Variants in ZNF420 observed in about 807,000 individuals in gnomAD.
ZNF420 encodes ATM and p53-associated KZNF protein.
In ZNF420, 31 loss-of-function variants were observed where a neutral mutation model predicts 44.7. That is an observed-to-expected ratio of 0.69 (90% CI 0.52 to 0.94). ZNF420 has a LOEUF of 0.94. Ranked by LOEUF, ZNF420 falls within the 40% of genes least tolerant of loss-of-function variation. The pLI is 0.00. For missense variants in ZNF420, 681 were observed against 827.9 expected (o/e 0.82, Z 2.18); for synonymous variants, 245 against 267.4 (o/e 0.92, Z 0.82).
intron 1 of ZNF420, among the ~76,000 whole-genome samples, chr19:37,042,077 G>GC (rs1289435555): frequency 5.9e-5 from 9 of 152,140 alleles, no homozygotes; most frequent in Admixed American, 6.6e-5. Flanking sequence ...TTGGCTCACT[G>GC]CAACTTCCGC....
intron 3 of ZNF420, among the ~76,000 whole-genome samples, chr19:37,090,315 C>G (rs1004407695): frequency 2.0e-5 from 3 of 151,834 alleles, no homozygotes; most frequent in African/African-American, 7.3e-5. Context: ...GGCAACATAA[C>G]AAGACCCCTG....
At chr19:37,011,087 T>C (rs2074565758) in intron 1 of ZNF420, among the ~76,000 whole-genome samples, 1 of 152,218 alleles carries the variant, frequency 6.6e-6, no homozygotes, top group Admixed American at 6.5e-5. Flanking sequence ...GGCTCTCGCC[T>C]CTGCTCTATC....
chr19:37,121,767 A>G (rs1470999987), intron 4 of ZNF420, among the ~76,000 whole-genome samples: 4 of 152,220 alleles, frequency 2.6e-5, no homozygotes, highest in Non-Finnish European at 5.9e-5. Context: ...ATGAACTCAA[A>G]TTTACAAGAA....
At position 37,053,191 on chromosome 19, in the gene ZNF420, G is replaced by T. The variant is rs1047981690; in HGVS notation, c.-124-27154G>T. Reference sequence around the variant, plus strand: ...CTTGTGCATTCATCACATAGTTTTCGTGCCTTGGCTTTTGGCTCCATCAGG... The same window carrying T: ...CTTGTGCATTCATCACATAGTTTTCTTGCCTTGGCTTTTGGCTCCATCAGG... On this transcript the variant is annotated intron_variant, in intron 1 of 4. Coordinates refer to the ZNF420 transcript ENST00000587029. 4.6e-5 allele frequency among the ~76,000 whole-genome samples: 7 copies of T among 152,098 alleles called. No individual in the cohort carries two copies. The East Asian group carries it at 1.4e-3, about 29-fold the overall frequency.
intron 1 of ZNF420, among the ~76,000 whole-genome samples, chr19:37,039,501 G>A (rs1967415159): frequency 6.6e-6 from 1 of 152,124 alleles, no homozygotes; most frequent in South Asian, 2.1e-4. Context: ...TTTCTGAGCA[G>A]TAGGTCTCAA....
chr19:37,126,677 G>A (rs1479739254), intron 4 of ZNF420, among the ~76,000 whole-genome samples: 2 of 152,078 alleles, frequency 1.3e-5, no homozygotes, highest in Non-Finnish European at 2.9e-5. Context: ...TCCCCACCAA[G>A]GCTTGAGAAC....
chr19:37,038,016 T>C (rs1967388869), intron 1 of ZNF420, among the ~76,000 whole-genome samples: 1 of 151,326 alleles, frequency 6.6e-6, no homozygotes, highest in African/African-American at 2.4e-5. Context: ...GTGAGCCAGG[T>C]GAGAAAGAAA....
At position 37,128,727 on chromosome 19, in the gene ZNF420, G is replaced by A. The variant is rs370787080; in HGVS notation, c.1736G>A (p.Arg579Gln). The A allele has an allele frequency of 2.2e-5, 35 of 1,613,766 alleles. No individual in the cohort carries two copies. Among genetic ancestry groups the A allele is most frequent in the African/African-American group, 1.1e-4 (8 of 74,822 alleles). The part of the protein sequence containing the change: ...IRGSQLTQHQ[R>Q]IHTGEKPYEC... Reference sequence around the variant, plus strand: ...GGTTCACAGTTGACTCAACATCAGCGAATTCACACTGGAGAAAAACCCTAT... The same window carrying A: ...GGTTCACAGTTGACTCAACATCAGCAAATTCACACTGGAGAAAAACCCTAT... The change falls in exon 5 of 5, where the codon CGA becomes CAA. Residue 579 changes from arginine to glutamine, a missense_variant. Arg to Gln is a conservative substitution (Grantham distance 43). Transcript: ENST00000337995.
At chr19:37,119,726 G>A (rs1488344752) in intron 4 of ZNF420, among the ~76,000 whole-genome samples, 1 of 151,756 alleles carries the variant, frequency 6.6e-6, no homozygotes, top group African/African-American at 2.4e-5. Flanking sequence ...TAGACTGCTA[G>A]CAAGACTAAT....
intron 4 of ZNF420, among the ~76,000 whole-genome samples, chr19:37,099,458 G>C (rs1969640131): frequency 6.6e-6 from 1 of 151,934 alleles, no homozygotes; most frequent in Non-Finnish European, 1.5e-5. Context: ...TCATTTACCT[G>C]TTTGCCATTT....
At chr19:37,120,693 T>G (rs1599719437) in intron 4 of ZNF420, among the ~76,000 whole-genome samples, 1 of 152,176 alleles carries the variant, frequency 6.6e-6, no homozygotes, top group Admixed American at 6.5e-5. Flanking sequence ...TGTCCCTGTT[T>G]GCAGATGACA....
chr19:37,122,536 T>C (rs537156778), intron 4 of ZNF420, among the ~76,000 whole-genome samples: 8 of 152,104 alleles, frequency 5.3e-5, no homozygotes, highest in East Asian at 3.9e-4. Flanking sequence ...ATGGGTGCAG[T>C]ACACCAACAT....
chr19:37,012,284 C>A (rs1191551621), intron 1 of ZNF420, among the ~76,000 whole-genome samples: 1 of 152,238 alleles, frequency 6.6e-6, no homozygotes, highest in East Asian at 1.9e-4. Flanking sequence ...TTAAAGGGGC[C>A]GCAGCCTGAC....
At chr19:37,089,172 G>T in intron 3 of ZNF420, 45 bp downstream of exon 3, 1 of 1,559,628 alleles carries the variant, frequency 6.4e-7, no homozygotes, top group East Asian at 2.2e-5. Context: ...CTTTTTTACA[G>T]AGCATGTGTG....
intron 4 of ZNF420, among the ~76,000 whole-genome samples, chr19:37,101,976 G>A (rs890316723): frequency 6.6e-6 from 1 of 152,210 alleles, no homozygotes; most frequent in Non-Finnish European, 1.5e-5. Context: ...CTGCACAGAT[G>A]GGGTAGTTCT....
At chr19:37,123,419 T>C (rs1180547614) in intron 4 of ZNF420, among the ~76,000 whole-genome samples, 1 of 152,000 alleles carries the variant, frequency 6.6e-6, no homozygotes, top group Non-Finnish European at 1.5e-5. Flanking sequence ...ATCCCTGCCC[T>C]TTTGTGGGTG....
At position 37,128,261 on chromosome 19, in the gene ZNF420, T is replaced by C. The variant is rs747836799; in HGVS notation, c.1270T>C (p.Cys424Arg). The C allele has an allele frequency of 6.2e-7, 1 of 1,614,068 alleles. No individual in the cohort carries two copies. The highest frequency in any genetic ancestry group is 1.7e-5 in the Admixed American group (1 of 60,012). The change falls in exon 5 of 5, where the codon TGT (cysteine) becomes CGT (arginine). Residue 424 changes from cysteine to arginine, a missense_variant. Physicochemically the swap from Cys to Arg is radical, Grantham distance 180 (BLOSUM62 -3). Coordinates refer to ENST00000337995, the MANE Select transcript of ZNF420 (RefSeq NM_144689.5). ...TGEKPYQCKE[C>R]GKAFNRGSLL... ...TGAGAAACCCTATCAATGTAAGGAA[T>C]GTGGAAAAGCGTTTAATCGTGGCTC...
chr19:37,083,263 T>C (rs754544934), intron 2 of ZNF420, among the ~76,000 whole-genome samples: 2 of 152,142 alleles, frequency 1.3e-5, no homozygotes, highest in African/African-American at 4.8e-5. Context: ...CTTTATGTGA[T>C]GTTAACAGCC....
At chr19:37,061,517 G>T (rs1328127131) in intron 1 of ZNF420, among the ~76,000 whole-genome samples, 1 of 152,124 alleles carries the variant, frequency 6.6e-6, no homozygotes, top group African/African-American at 2.4e-5. Context: ...AGCAGGTTTT[G>T]GGGACAAGTA....
Sources: allele counts gnomAD v4.1 joint callset (sites outside exome capture counted in the v4.1 genomes callset), GRCh38; gene constraint gnomAD v4.1.1; transcripts MANE v1.5; gene names NCBI Gene and HGNC (gene_info 2026-07-23, HGNC 2026-07-21).